KCNQ1: variants seen among roughly 807,000 people sequenced by gnomAD.
KCNQ1 encodes potassium voltage-gated channel subfamily KQT member 1.
KCNQ1 carries 49 observed loss-of-function variants against 72.4 expected under a neutral mutation model. The ratio of observed to expected loss-of-function variants is 0.68; its 90% confidence interval spans 0.54 to 0.86. The LOEUF (loss-of-function observed/expected upper bound fraction) is 0.86, where lower values mean the gene tolerates loss of function less well. Ranked by LOEUF, KCNQ1 falls within the 40% of genes least tolerant of loss-of-function variation. The pLI, the probability that KCNQ1 is intolerant of heterozygous loss-of-function variation, is 0.00. For missense variants in KCNQ1, 790 were observed against 945.1 expected, an observed-to-expected ratio of 0.84 and a Z score of 2.15; for synonymous variants, 450 against 412.6, an observed-to-expected ratio of 1.09 and a Z score of -1.10.
intron 10 of KCNQ1, chr11:2,650,444 T>C (rs1849739891): frequency 2.5e-6 from 1 of 398,454 alleles, no homozygotes; most frequent in Non-Finnish European, 4.4e-6. Context: ...GTAGTATCAT[T>C]TGGGTAGGGT....
chr11:2,666,548 C>T (rs997969796), intron 11 of KCNQ1: 1 of 398,550 alleles, frequency 2.5e-6, no homozygotes, highest in African/African-American at 2.1e-5. Context: ...ACTAATGTCT[C>T]CTGAATTCTG....
chr11:2,523,423 C>T (rs1248788690), intron 1 of KCNQ1, among the ~76,000 whole-genome samples: 1 of 152,168 alleles, frequency 6.6e-6, no homozygotes, highest in Non-Finnish European at 1.5e-5. Flanking sequence ...TGGTCTCGAA[C>T]TCCTGTCCTC....
Position 2,695,178 on chromosome 11 carries a change from G to A in KCNQ1, c.1514+33097G>A. The A allele has an allele frequency of 5.0e-6, 2 of 398,624 alleles. No homozygotes were observed. Among genetic ancestry groups the A allele is most frequent in the African/African-American group, 2.1e-5 (1 of 48,748 alleles). 24.7% of individuals were successfully genotyped at this position (398,624 alleles called of 1,614,324 possible). A position where few individuals can be genotyped will look rare whatever the true frequency, so the allele number is the denominator to read the frequency against. On this transcript the variant is annotated intron_variant, in intron 11 of 15. Coordinates refer to ENST00000155840, the MANE Select transcript of KCNQ1 (RefSeq NM_000218.3). This position sits in a 1 kb window ranked among gnomAD's most constrained non-coding sequence, Gnocchi z 5.2. ...GGGACTCTGCACAGAGTTGATCACA[G>A]CCCTCAGCCTATGAAACACTGTCAC...
chr11:2,526,969 A>G lies in KCNQ1; in HGVS notation c.387-959A>G, dbSNP rs76361309. 0.051 allele frequency among the ~76,000 whole-genome samples: 7,783 copies of G among 152,000 alleles called. 664 individuals carry two copies. The highest frequency in any genetic ancestry group is 0.17 in the African/African-American group (7,246 of 41,434). ...TCTCCTGGCTCTCCGGTCGCTGAGG[A>G]TCCACGGGGGTCCCTGGAGTCTCCG... On this transcript the variant is annotated intron_variant, in intron 1 of 15. Transcript: ENST00000155840. This position sits in a 1 kb window ranked among gnomAD's most constrained non-coding sequence, Gnocchi z 6.1.
Position 2,536,918 on chromosome 11 carries a change from C to T in KCNQ1, c.477+8900C>T, listed in dbSNP as rs913157133. Among the ~76,000 whole-genome samples, 1 of 151,964 alleles carries T rather than the reference C, an allele frequency of 6.6e-6. No homozygotes were observed. ...GCAACTGTCTTCTAGATGTAGTACC[C>T]CAATCCCCCCCAGTCCCTCCCTTTA... On this transcript the variant is annotated intron_variant, in intron 2 of 15. Coordinates refer to ENST00000155840, the MANE Select transcript of KCNQ1 (RefSeq NM_000218.3). The surrounding 1 kb of genome is among the most constrained non-coding windows in gnomAD (Gnocchi z 7.4).
intron 1 of KCNQ1, among the ~76,000 whole-genome samples, chr11:2,499,521 C>CCCA: frequency 7.5e-6 from 1 of 132,602 alleles, no homozygotes; most frequent in Non-Finnish European, 1.7e-5. Flanking sequence ...GTTGAATGGA[C>CCCA]CCCTGCCCCC....
At chr11:2,558,047 A>G (rs1848097732) in intron 2 of KCNQ1, among the ~76,000 whole-genome samples, 1 of 152,182 alleles carries the variant, frequency 6.6e-6, no homozygotes, top group South Asian at 2.1e-4. Flanking sequence ...AAAATCCCTT[A>G]CCTATTTGGG....
intron 11 of KCNQ1, among the ~76,000 whole-genome samples, chr11:2,726,237 C>G (rs552145659): frequency 2.6e-5 from 4 of 152,318 alleles, no homozygotes; most frequent in Admixed American, 6.5e-5. Context: ...AGCTCGCTCA[C>G]GAGATGTGTG....
At chr11:2,589,071 C>T (rs896557163) in intron 10 of KCNQ1, among the ~76,000 whole-genome samples, 8 of 152,308 alleles carry the variant, frequency 5.3e-5, no homozygotes, top group East Asian at 1.9e-4. Flanking sequence ...CCTTCTGTTG[C>T]GAGAGGAAGC....
At chr11:2,697,766 A>G (rs1296278373) in intron 11 of KCNQ1, 1 of 398,504 alleles carries the variant, frequency 2.5e-6, no homozygotes, top group Non-Finnish European at 4.4e-6. Context: ...GGATTCAGTT[A>G]GCTAGCATTG....
Position 2,608,354 on chromosome 11 carries a change from T to G in KCNQ1, c.1393+19500T>G. On this transcript the variant is annotated intron_variant, in intron 10 of 15. Coordinates refer to ENST00000155840, the MANE Select transcript of KCNQ1 (RefSeq NM_000218.3). This position sits in a 1 kb window ranked among gnomAD's most constrained non-coding sequence, Gnocchi z 4.6. ...AGTCAGTTTTCATAGTTTTCATCTTTCTAGGAATTTGTCAATTTCATCTAA... is the reference window on the plus strand; with the variant it reads ...AGTCAGTTTTCATAGTTTTCATCTTGCTAGGAATTTGTCAATTTCATCTAA... 1 of 398,628 alleles carries G rather than the reference T, an allele frequency of 2.5e-6. No individual in the cohort carries two copies. The allele number at this position is 398,628 out of a possible 1,614,324, so 24.7% of individuals were successfully genotyped here.
chr11:2,651,187 C>A lies in KCNQ1; in HGVS notation c.1394-10774C>A. 2.5e-6 allele frequency: 1 copy of A among 397,430 alleles called. No homozygotes were observed. The highest frequency in any genetic ancestry group is 1.3e-4 in the South Asian group (1 of 7,748). The allele number at this position is 397,430 out of a possible 1,614,324, so 24.6% of individuals were successfully genotyped here. A position where few individuals can be genotyped will look rare whatever the true frequency, so the allele number is the denominator to read the frequency against. ...CTTGCTGCTTCCCTACTCAAATGTT[C>A]CGACAGCTTCCTGTCACCCTGTCTT... On this transcript the variant is annotated intron_variant, in intron 10 of 15. Coordinates refer to ENST00000155840, the MANE Select transcript of KCNQ1 (RefSeq NM_000218.3). The surrounding 1 kb of genome is among the most constrained non-coding windows in gnomAD (Gnocchi z 6.1).
Position 2,658,336 on chromosome 11 carries a change from ATTTAAT to A in KCNQ1, c.1394-3620_1394-3615del. On this transcript the variant is annotated intron_variant, in intron 10 of 15. Transcript: ENST00000155840. The surrounding 1 kb of genome is among the most constrained non-coding windows in gnomAD (Gnocchi z 4.9). ...ATTTGTCCCTCTCCTCCAATTGTTTATTTAATTTTATCAGTGTGGATTTGGGAGTAT... is the reference window on the plus strand; with the variant it reads ...ATTTGTCCCTCTCCTCCAATTGTTTATTTATCAGTGTGGATTTGGGAGTAT... The A allele has an allele frequency of 2.5e-6, 1 of 398,428 alleles. No individual in the cohort carries two copies. Among genetic ancestry groups the A allele is most frequent in the Non-Finnish European group, 4.4e-6 (1 of 226,000 alleles). 24.7% of individuals were successfully genotyped at this position (398,428 alleles called of 1,614,324 possible).
rs758656397 is a variant in KCNQ1, at chr11:2,570,612, C to T, written c.478-16C>T. 5.6e-6 allele frequency: 9 copies of T among 1,611,618 alleles called. No homozygotes were observed. The African/African-American group carries it at 1.1e-4, about 19-fold the overall frequency. ...CCGAGCCTGCCTGCAGTGAGCGTCC[C>T]ACTCTGTCCCTGCAGGAGATCGTGC... is the stretch of plus-strand genomic sequence containing the variant. On this transcript the variant is annotated splice_polypyrimidine_tract_variant and intron_variant, in intron 2 of 15. Transcript: ENST00000155840.
In KCNQ1 at chr11:2,608,343, G is replaced by T; in HGVS notation, c.1393+19489G>T. On this transcript the variant is annotated intron_variant, in intron 10 of 15. Coordinates refer to ENST00000155840, the MANE Select transcript of KCNQ1 (RefSeq NM_000218.3). This position sits in a 1 kb window ranked among gnomAD's most constrained non-coding sequence, Gnocchi z 4.6. ...ACTTATTTCTTAGTCAGTTTTCATAGTTTTCATCTTTCTAGGAATTTGTCA... is the reference window on the plus strand; with the variant it reads ...ACTTATTTCTTAGTCAGTTTTCATATTTTTCATCTTTCTAGGAATTTGTCA... The T allele has an allele frequency of 2.5e-6, 1 of 398,404 alleles. No individual in the cohort carries two copies. Among genetic ancestry groups the T allele is most frequent in the East Asian group, 3.6e-5 (1 of 28,046 alleles). 24.7% of individuals were successfully genotyped at this position (398,404 alleles called of 1,614,324 possible). A position where few individuals can be genotyped will look rare whatever the true frequency, so the allele number is the denominator to read the frequency against.
At chr11:2,665,533 C>T (rs1380345566) in intron 11 of KCNQ1, 2 of 393,796 alleles carry the variant, frequency 5.1e-6, no homozygotes, top group Non-Finnish European at 8.9e-6. Context: ...TCTAGAATGC[C>T]CTTGTCACCC....
In KCNQ1 at chr11:2,699,277, C is replaced by G. The variant is rs78369463; in HGVS notation, c.1514+37196C>G. 2.3e-3 allele frequency: 914 copies of G among 398,910 alleles called. 8 individuals are homozygous for G. Among genetic ancestry groups the G allele is most frequent in the Non-Finnish European group, 1.9e-3 (420 of 226,244 alleles). The allele number at this position is 398,910 out of a possible 1,614,324, so 24.7% of individuals were successfully genotyped here. A position where few individuals can be genotyped will look rare whatever the true frequency, so the allele number is the denominator to read the frequency against. ...ATGGGAGCGCACTGCCCAGGCCAGG[C>G]TGCACTGCTGACGCCTGTGATCTGG... On this transcript the variant is annotated intron_variant, in intron 11 of 15. Coordinates refer to ENST00000155840, the MANE Select transcript of KCNQ1 (RefSeq NM_000218.3).
At chr11:2,727,161 G>A (rs756453774) in intron 11 of KCNQ1, among the ~76,000 whole-genome samples, 26 of 152,302 alleles carry the variant, frequency 1.7e-4, no homozygotes, top group Admixed American at 5.2e-4. Flanking sequence ...CAGCCATGGG[G>A]CAGTGGGGCT....
intron 15 of KCNQ1, among the ~76,000 whole-genome samples, chr11:2,823,053 A>G (rs937993737): frequency 3.3e-5 from 5 of 152,228 alleles, no homozygotes; most frequent in Admixed American, 1.3e-4. Flanking sequence ...ATATCCTGCT[A>G]TTGGAAGTTC....
Sources: gnomAD v4.1 joint callset for allele counts (sites outside exome capture counted in the v4.1 genomes callset) on GRCh38, gnomAD v4.1.1 for gene constraint, Gnocchi (gnomAD v3.1) non-coding constraint, MANE v1.5 for transcripts, NCBI Gene and HGNC (gene_info 2026-07-23, HGNC 2026-07-21) for gene names.